HPSE2: variants seen among roughly 807,000 people sequenced by gnomAD.
HPSE2 encodes inactive heparanase-2.
In HPSE2, 38 loss-of-function variants were observed where a neutral mutation model predicts 60.5. The ratio of observed to expected loss-of-function variants is 0.63; its 90% confidence interval spans 0.48 to 0.82. The LOEUF (loss-of-function observed/expected upper bound fraction) is 0.82, where lower values mean the gene tolerates loss of function less well. Among genes scored for constraint, HPSE2 ranks in the 40% least tolerant of loss-of-function variants. The pLI, the probability that HPSE2 is intolerant of heterozygous loss-of-function variation, is 0.00. For missense variants in HPSE2, 713 were observed against 740.4 expected, an observed-to-expected ratio of 0.96 and a Z score of 0.43; for synonymous variants, 295 against 293.2, an observed-to-expected ratio of 1.01 and a Z score of -0.06.
chr10:99,120,085 T>C (rs1427962379), intron 3 of HPSE2, among the ~76,000 whole-genome samples: 1 of 152,004 alleles, frequency 6.6e-6, no homozygotes, highest in African/African-American at 2.4e-5. Context: ...AAAGCAAAAA[T>C]TGGCAAACAG....
chr10:98,520,118 A>G (rs910456217), intron 9 of HPSE2, among the ~76,000 whole-genome samples: 13 of 152,208 alleles, frequency 8.5e-5, no homozygotes, highest in African/African-American at 2.9e-4. Flanking sequence ...AATGGCTACA[A>G]TGTGTGACTG....
chr10:99,020,569 C>A (rs1042062798), intron 3 of HPSE2, among the ~76,000 whole-genome samples: 2 of 152,202 alleles, frequency 1.3e-5, no homozygotes, highest in Non-Finnish European at 1.5e-5. Flanking sequence ...AAGTTTTTTA[C>A]CTCCTTTTGC....
chr10:99,218,488 C>A (rs892610574), intron 2 of HPSE2, among the ~76,000 whole-genome samples: 2 of 152,040 alleles, frequency 1.3e-5, no homozygotes, highest in Non-Finnish European at 2.9e-5. Context: ...TTCTGTTCCA[C>A]ATTTAGGTGA....
chr10:98,916,245 T>C (rs1390919293), intron 3 of HPSE2, among the ~76,000 whole-genome samples: 1 of 152,192 alleles, frequency 6.6e-6, no homozygotes, highest in Non-Finnish European at 1.5e-5. Flanking sequence ...AACAACTTAA[T>C]GGGAATGCAT....
At chr10:98,598,914 G>T (rs971415698) in intron 9 of HPSE2, among the ~76,000 whole-genome samples, 1 of 152,094 alleles carries the variant, frequency 6.6e-6, no homozygotes, top group African/African-American at 2.4e-5. Flanking sequence ...GGTCCACTGG[G>T]GTTGGCTTGG....
At chr10:99,293,987 T>C in the HPSE2 span, among the ~76,000 whole-genome samples, 2 of 152,140 alleles carry the variant, frequency 1.3e-5, no homozygotes, top group East Asian at 3.8e-4. Flanking sequence ...AAGGCTAACA[T>C]CTTAAACTCC....
At chr10:99,264,954 C>T in the HPSE2 span, among the ~76,000 whole-genome samples, 1 of 152,130 alleles carries the variant, frequency 6.6e-6, no homozygotes, top group Admixed American at 6.6e-5. Context: ...CTCCCCAACA[C>T]TTCACCATTT....
chr10:98,494,638 G>C (rs1346709655), intron 9 of HPSE2, among the ~76,000 whole-genome samples: 1 of 152,156 alleles, frequency 6.6e-6, no homozygotes, highest in African/African-American at 2.4e-5. Context: ...AATTAGACAG[G>C]GAGGAAAGTC....
intron 2 of HPSE2, among the ~76,000 whole-genome samples, chr10:99,184,252 T>C (rs1847885849): frequency 6.6e-6 from 1 of 151,896 alleles, no homozygotes. Context: ...CAGCCGGGCA[T>C]GGTGGCTCAC....
chr10:99,292,311 T>C, the HPSE2 span, among the ~76,000 whole-genome samples: 55 of 152,300 alleles, frequency 3.6e-4, 1 homozygote, highest in South Asian at 0.011. Context: ...ATTCATCAAA[T>C]AAATATGTTC....
intron 11 of HPSE2, among the ~76,000 whole-genome samples, chr10:98,474,521 A>G (rs1389051706): frequency 6.6e-6 from 1 of 152,190 alleles, no homozygotes; most frequent in Non-Finnish European, 1.5e-5. Context: ...ACATCAAATG[A>G]CACCTCTCTA....
At position 98,482,647 on chromosome 10, in the gene HPSE2, G is replaced by GC; in HGVS notation, c.1601dup (p.Leu535ProfsTer81). 6.2e-7 allele frequency: 1 copy of GC among 1,614,110 alleles called. No homozygotes were observed. Reference sequence around the variant, plus strand: ...AGGTTGGCACGTACTTGGACTTTAGGCCCTCCTGCCCATAGGGCTGCAGCA... The same window carrying GC: ...AGGTTGGCACGTACTTGGACTTTAGGCCCCTCCTGCCCATAGGGCTGCAGCA... On this transcript the variant is annotated frameshift_variant, in exon 11 of 12. Coordinates refer to ENST00000370552, the MANE Select transcript of HPSE2 (RefSeq NM_021828.5). LOFTEE classifies it high-confidence loss of function.
rs539976089 is a variant in HPSE2, at chr10:98,645,806, G to A, written c.1005-3866C>T. 2.0e-4 allele frequency among the ~76,000 whole-genome samples: 31 copies of A among 152,036 alleles called. No individual in the cohort carries two copies. The South Asian group carries it at 2.9e-3, about 14-fold the overall frequency. ...ATCCTGGCTAACATGGTGAAACCCC[G>A]TCTCTACTAAAAATACAATTAGCCG... On this transcript the variant is annotated intron_variant, in intron 6 of 11. Transcript: ENST00000370552.
intron 4 of HPSE2, 31 bp from the exon 5 acceptor site, chr10:98,721,859 T>C: frequency 1.2e-6 from 2 of 1,600,972 alleles, no homozygotes; most frequent in Admixed American, 1.7e-5. Context: ...TAAGTCAGAA[T>C]GAGAAGTGTA....
chr10:98,501,459 T>C (rs532748286), intron 9 of HPSE2, among the ~76,000 whole-genome samples: 1 of 152,282 alleles, frequency 6.6e-6, no homozygotes, highest in South Asian at 2.1e-4. Context: ...CACATGATCA[T>C]CTCAATAGAT....
At chr10:98,729,985 C>T (rs1331092775) in intron 4 of HPSE2, among the ~76,000 whole-genome samples, 1 of 152,128 alleles carries the variant, frequency 6.6e-6, no homozygotes, top group Non-Finnish European at 1.5e-5. Context: ...CTGGCACTAT[C>T]AGCTAACTTT....
At chr10:99,108,312 T>C (rs1204529204) in intron 3 of HPSE2, among the ~76,000 whole-genome samples, 2 of 152,080 alleles carry the variant, frequency 1.3e-5, no homozygotes, top group African/African-American at 2.4e-5. Flanking sequence ...TTTTATAACT[T>C]TGGACTAACA....
At chr10:99,113,371 A>T (rs1844548359) in intron 3 of HPSE2, among the ~76,000 whole-genome samples, 1 of 152,212 alleles carries the variant, frequency 6.6e-6, no homozygotes, top group South Asian at 2.1e-4. Flanking sequence ...TGTTGCTTTT[A>T]GGAATAAAGG....
chr10:98,872,907 GA>G (rs969944935), intron 3 of HPSE2, among the ~76,000 whole-genome samples: 1 of 152,104 alleles, frequency 6.6e-6, no homozygotes, highest in Non-Finnish European at 1.5e-5. Flanking sequence ...AAGACCCAAA[GA>G]TTTATTTACT....
Sources: allele counts gnomAD v4.1 joint callset (sites outside exome capture counted in the v4.1 genomes callset), GRCh38; gene constraint gnomAD v4.1.1; transcripts MANE v1.5; gene names NCBI Gene and HGNC (gene_info 2026-07-23, HGNC 2026-07-21).